Variants in EHD4 observed in about 807,000 individuals in gnomAD.
EHD4 encodes EH domain-containing protein 4.
EHD4 carries 37 observed loss-of-function variants against 51.0 expected under a neutral mutation model. That is an observed-to-expected ratio of 0.73 (90% CI 0.56 to 0.95). The LOEUF (loss-of-function observed/expected upper bound fraction) is 0.95, where lower values mean the gene tolerates loss of function less well. Ranked by LOEUF, EHD4 falls within the 40% of genes least tolerant of loss-of-function variation. The pLI is 0.00. For missense variants in EHD4, 632 were observed against 733.1 expected (o/e 0.86, Z 1.59); for synonymous variants, 297 against 317.3 (o/e 0.94, Z 0.68).
At chr15:41,963,911 C>T (rs909666091) in intron 1 of EHD4, among the ~76,000 whole-genome samples, 9 of 151,552 alleles carry the variant, frequency 5.9e-5, no homozygotes, top group African/African-American at 9.7e-5. Context: ...TTTGGGAGGC[C>T]GAGGCAGGTG....
intron 3 of EHD4, among the ~76,000 whole-genome samples, chr15:41,934,175 G>A (rs1354908338): frequency 3.3e-5 from 5 of 152,094 alleles, no homozygotes; most frequent in African/African-American, 9.7e-5. Context: ...TTTGGGGATG[G>A]CAGGGTATGT....
In EHD4 at chr15:41,953,940, T is replaced by C; in HGVS notation, c.237A>G (p.Arg79=). Reference sequence around the variant, plus strand: ...CTGGGAAATCCTGCTCCAGTAGGTATCTGGGAGAGGGAAGAAGAAGAGAAA... The same window carrying C: ...CTGGGAAATCCTGCTCCAGTAGGTACCTGGGAGAGGGAAGAAGAAGAGAAA... The part of the protein sequence containing the change: ...QYSTGKTTFI[R]YLLEQDFPGM... Residue 79 remains arginine, a splice_region_variant and synonymous_variant, in exon 2 of 6, where the codon AGA becomes AGG. Transcript: ENST00000220325. The C allele has an allele frequency of 1.2e-6, 2 of 1,611,346 alleles. No individual in the cohort carries two copies. The highest frequency in any genetic ancestry group is 2.7e-5 in the African/African-American group (2 of 74,460).
chr15:41,933,404 G>A (rs1254686466), intron 3 of EHD4, among the ~76,000 whole-genome samples: 8 of 152,212 alleles, frequency 5.3e-5, no homozygotes, highest in Non-Finnish European at 7.3e-5. Flanking sequence ...AGATCATTCA[G>A]ATTCTCGTAA....
rs192235953 is a variant in EHD4, at chr15:41,966,441, C to T, written c.236+5818G>A. Among the ~76,000 whole-genome samples the T allele has an allele frequency of 1.6e-4, 25 of 152,344 alleles. No homozygotes were observed. The East Asian group carries it at 2.9e-3, about 18-fold the overall frequency. Reference sequence around the variant, plus strand: ...CAGCATCCTCAGGAGCTGCCTTCCCCAGCTCTCAGGCCACGTGGTTGGTGG... The same window carrying T: ...CAGCATCCTCAGGAGCTGCCTTCCCTAGCTCTCAGGCCACGTGGTTGGTGG... On this transcript the variant is annotated intron_variant, in intron 1 of 5. Transcript: ENST00000220325.
At chr15:41,909,664 C>T (rs2067535629) in intron 5 of EHD4, 35 bp downstream of exon 5, 1 of 1,612,216 alleles carries the variant, frequency 6.2e-7, no homozygotes, top group Non-Finnish European at 8.5e-7. Flanking sequence ...GCACCTCTGC[C>T]CTCTGCCCGT....
chr15:41,957,125 T>C (rs2067893191), intron 1 of EHD4, among the ~76,000 whole-genome samples: 1 of 151,794 alleles, frequency 6.6e-6, no homozygotes, highest in Non-Finnish European at 1.5e-5. Context: ...GGCCTAGGAG[T>C]TCGAGACTAG....
rs2140980029 is a variant in EHD4, at chr15:41,900,403, T to G, written c.*242A>C. ...GAGGACTCTTTGGACAATTTCTCTT[T>G]CTTCTCAACCCTTCAATCTCCTAAT... On this transcript the variant is annotated 3_prime_UTR_variant, in exon 6 of 6. Coordinates refer to ENST00000220325, the MANE Select transcript of EHD4 (RefSeq NM_139265.4). This position sits in a 1 kb window ranked among gnomAD's most constrained non-coding sequence, Gnocchi z 4.8. The G allele has an allele frequency of 1.9e-6, 1 of 540,336 alleles. No individual in the cohort carries two copies. Among genetic ancestry groups the G allele is most frequent in the Middle Eastern group, 4.8e-4 (1 of 2,066 alleles). The allele number at this position is 540,336 out of a possible 1,614,324, so 33.5% of individuals were successfully genotyped here.
intron 3 of EHD4, among the ~76,000 whole-genome samples, chr15:41,936,898 C>G (rs143728489): frequency 1.9e-4 from 29 of 152,232 alleles, no homozygotes; most frequent in African/African-American, 7.0e-4. Flanking sequence ...GCTAGAGGCC[C>G]AAGTGGCTAG....
chr15:41,942,247 GTTTTT>G (rs570868200), intron 3 of EHD4: 15 of 137,556 alleles, frequency 1.1e-4, no homozygotes, highest in Admixed American at 5.8e-4. Flanking sequence ...CCGGTTTTTT[GTTTTT>G]TTTTTTTTTT....
rs916546261 is a variant in EHD4, at chr15:41,896,214, G to A, written c.*4431C>T. 1.3e-5 allele frequency: 2 copies of A among 152,168 alleles called. No homozygotes were observed. Among genetic ancestry groups the A allele is most frequent in the Non-Finnish European group, 2.9e-5 (2 of 68,048 alleles). 9.4% of individuals were successfully genotyped at this position (152,168 alleles called of 1,614,324 possible). A position where few individuals can be genotyped will look rare whatever the true frequency, so the allele number is the denominator to read the frequency against. On this transcript the variant is annotated 3_prime_UTR_variant, in exon 6 of 6. Coordinates refer to ENST00000220325, the MANE Select transcript of EHD4 (RefSeq NM_139265.4). ...AGCAGCTCAAATGTTGTCACCACAG[G>A]CCTGGATTCCTCTGGCCTTTCTCAA...
chr15:41,965,174 C>T (rs1407858359), intron 1 of EHD4, among the ~76,000 whole-genome samples: 1 of 152,146 alleles, frequency 6.6e-6, no homozygotes, highest in Non-Finnish European at 1.5e-5. Context: ...TTCATTGCAA[C>T]ATTATGTATA....
At chr15:41,926,221 T>C (rs1247758997) in intron 3 of EHD4, 1 of 152,152 alleles carries the variant, frequency 6.6e-6, no homozygotes, top group Admixed American at 6.6e-5. Flanking sequence ...AGATGTGTGT[T>C]AATGAAAGGA....
intron 4 of EHD4, among the ~76,000 whole-genome samples, chr15:41,912,311 C>A (rs2067555640): frequency 6.6e-6 from 1 of 152,178 alleles, no homozygotes; most frequent in Admixed American, 6.5e-5. Context: ...TGTTACGCTG[C>A]CTCTGCATGT....
chr15:41,928,901 T>C (rs1412834230), intron 3 of EHD4: 3 of 152,272 alleles, frequency 2.0e-5, no homozygotes, highest in Non-Finnish European at 2.9e-5. Flanking sequence ...GCTGACCAGA[T>C]GCAGGGCAGT....
chr15:41,956,092 G>A (rs2067885857), intron 1 of EHD4, among the ~76,000 whole-genome samples: 1 of 152,234 alleles, frequency 6.6e-6, no homozygotes, highest in Non-Finnish European at 1.5e-5. Flanking sequence ...AATGTGAGGT[G>A]CGGGAGTGGG....
intron 4 of EHD4, among the ~76,000 whole-genome samples, chr15:41,916,069 T>C (rs1019136640): frequency 1.3e-5 from 2 of 152,244 alleles, no homozygotes; most frequent in Non-Finnish European, 2.9e-5. Context: ...ATTATGGTGT[T>C]CTATAAATAA....
chr15:41,911,562 G>A (rs2067549849), intron 4 of EHD4, among the ~76,000 whole-genome samples: 2 of 152,194 alleles, frequency 1.3e-5, no homozygotes, highest in Admixed American at 1.3e-4. Context: ...AGAACCAGCT[G>A]CTCACCAGCT....
intron 3 of EHD4, among the ~76,000 whole-genome samples, chr15:41,930,999 G>A (rs182344065): frequency 1.1e-4 from 16 of 152,160 alleles, no homozygotes; most frequent in East Asian, 7.7e-4. Flanking sequence ...TGAGATGGTG[G>A]GCATGTAAAC....
intron 1 of EHD4, among the ~76,000 whole-genome samples, chr15:41,962,666 G>C (rs773672358): frequency 1.3e-5 from 2 of 152,108 alleles, no homozygotes; most frequent in African/African-American, 2.4e-5. Context: ...CCCCGTCCGG[G>C]AGGGAGGCGG....
Sources: allele counts gnomAD v4.1 joint callset (sites outside exome capture counted in the v4.1 genomes callset), GRCh38; gene constraint gnomAD v4.1.1; non-coding constraint Gnocchi (gnomAD v3.1); transcripts MANE v1.5; gene names NCBI Gene and HGNC (gene_info 2026-07-23, HGNC 2026-07-21).